TRIQK: variants seen among roughly 807,000 people sequenced by gnomAD.
The protein encoded by TRIQK is triple QxxK/R motif containing, also known as triple QxxK/R motif-containing protein.
A neutral mutation model predicts 10.8 loss-of-function variants in TRIQK; 10 were observed. That is an observed-to-expected ratio of 0.92 (90% CI 0.57 to 1.57). The LOEUF (loss-of-function observed/expected upper bound fraction) is 1.57, where lower values mean the gene tolerates loss of function less well. Among genes scored for constraint, TRIQK ranks in the 40% most tolerant of loss-of-function variants. The pLI is 0.00. For missense variants in TRIQK, 107 were observed against 97.7 expected, an observed-to-expected ratio of 1.09 and a Z score of -0.40; for synonymous variants, 33 against 33.7, an observed-to-expected ratio of 0.98 and a Z score of 0.07.
chr8:92,929,980 TG>T (rs1810628817), intron 2 of TRIQK, among the ~76,000 whole-genome samples: 1 of 152,074 alleles, frequency 6.6e-6, no homozygotes, highest in Non-Finnish European at 1.5e-5. Flanking sequence ...TTATGAAAAC[TG>T]CTCTTTCTAA....
rs886928889 is a variant in TRIQK, at chr8:92,982,599, T to A, written c.-180-28035A>T. On this transcript the variant is annotated intron_variant, in intron 1 of 4. Coordinates refer to the TRIQK transcript ENST00000520686. ...CTTGTCCTGGAACATTGGCCAGATG[T>A]CATGCAAAAATCAGAAAATATTTTG... is the stretch of plus-strand genomic sequence containing the variant. Among the ~76,000 whole-genome samples the A allele has an allele frequency of 2.6e-5, 4 of 151,974 alleles. No homozygotes were observed. The East Asian group carries it at 7.7e-4, about 29-fold the overall frequency.
chr8:92,938,178 C>A (rs931119610), intron 2 of TRIQK, among the ~76,000 whole-genome samples: 1 of 152,070 alleles, frequency 6.6e-6, no homozygotes, highest in East Asian at 1.9e-4. Flanking sequence ...TGAAAGCTAA[C>A]ACTCCTTTGT....
At chr8:92,938,153 TA>T (rs1293470085) in intron 2 of TRIQK, among the ~76,000 whole-genome samples, 1 of 152,064 alleles carries the variant, frequency 6.6e-6, no homozygotes, top group Non-Finnish European at 1.5e-5. Context: ...GGGTCACAAC[TA>T]TTCTTACAGT....
intron 3 of TRIQK, among the ~76,000 whole-genome samples, chr8:92,895,738 A>T (rs1442472385): frequency 6.6e-6 from 1 of 152,202 alleles, no homozygotes; most frequent in Non-Finnish European, 1.5e-5. Flanking sequence ...AGAATGTACA[A>T]GCAATGGACT....
intron 3 of TRIQK, among the ~76,000 whole-genome samples, chr8:92,909,205 A>G (rs1357688009): frequency 6.6e-6 from 1 of 151,984 alleles, no homozygotes; most frequent in Admixed American, 6.6e-5. Context: ...CAAGATGAAT[A>G]AAATTACAAA....
intron 2 of TRIQK, among the ~76,000 whole-genome samples, chr8:92,932,817 T>C (rs1386135599): frequency 6.6e-6 from 1 of 152,210 alleles, no homozygotes; most frequent in Admixed American, 6.5e-5. Flanking sequence ...ATGTATATCA[T>C]TTTTAAAATT....
upstream of TRIQK, among the ~76,000 whole-genome samples, chr8:92,969,775 T>A (rs551877200): frequency 1.8e-4 from 25 of 139,988 alleles, no homozygotes; most frequent in Non-Finnish European, 2.1e-4. Context: ...TTTCTTTTTT[T>A]AAAAAAAATT....
chr8:92,932,770 G>A (rs1000312987), intron 2 of TRIQK, among the ~76,000 whole-genome samples: 1 of 151,920 alleles, frequency 6.6e-6, no homozygotes, highest in Non-Finnish European at 1.5e-5. Context: ...ATAGCAGTAT[G>A]TACTCATAGA....
intron 1 of TRIQK, among the ~76,000 whole-genome samples, chr8:92,983,469 A>G (rs1813005000): frequency 6.6e-6 from 1 of 152,070 alleles, no homozygotes; most frequent in Non-Finnish European, 1.5e-5. Context: ...AGTCTTCCTT[A>G]ACCTAGAGGT....
At chr8:92,960,106 G>T (rs948154893) in intron 1 of TRIQK, among the ~76,000 whole-genome samples, 1 of 151,644 alleles carries the variant, frequency 6.6e-6, no homozygotes. Flanking sequence ...TCCTTCATAG[G>T]TCTTTTTCAG....
At chr8:92,888,436 A>G (rs1330295814) in intron 4 of TRIQK, among the ~76,000 whole-genome samples, 1 of 151,668 alleles carries the variant, frequency 6.6e-6, no homozygotes, top group African/African-American at 2.4e-5. Flanking sequence ...CCATTAATTC[A>G]TTACATCTGT....
chr8:92,933,552 T>C (rs113134716), intron 2 of TRIQK, among the ~76,000 whole-genome samples: 3 of 152,096 alleles, frequency 2.0e-5, no homozygotes, highest in Non-Finnish European at 2.9e-5. Context: ...AAGCTGGCCA[T>C]GGGGTCTGTT....
At chr8:92,976,062 A>G (rs1013479387) in intron 1 of TRIQK, among the ~76,000 whole-genome samples, 2 of 151,928 alleles carry the variant, frequency 1.3e-5, no homozygotes, top group African/African-American at 4.8e-5. Flanking sequence ...GATGTATAGA[A>G]ACTTATTTTA....
chr8:92,972,503 T>C (rs1401303248), intron 1 of TRIQK: 1 of 152,214 alleles, frequency 6.6e-6, no homozygotes, highest in African/African-American at 2.4e-5. Context: ...ATTCATTTAA[T>C]ATTATGTTCT....
At chr8:92,900,295 G>A (rs1808857473) in intron 3 of TRIQK, among the ~76,000 whole-genome samples, 1 of 152,070 alleles carries the variant, frequency 6.6e-6, no homozygotes, top group African/African-American at 2.4e-5. Context: ...GTCTGAGCTT[G>A]TGAACTATGA....
intron 1 of TRIQK, among the ~76,000 whole-genome samples, chr8:92,991,376 A>G (rs1366428684): frequency 1.3e-5 from 2 of 152,194 alleles, no homozygotes; most frequent in Non-Finnish European, 2.9e-5. Flanking sequence ...AGAGCAGTGG[A>G]TCTCCCAGTA....
chr8:92,987,100 C>T (rs1178082792), intron 1 of TRIQK, among the ~76,000 whole-genome samples: 1 of 152,118 alleles, frequency 6.6e-6, no homozygotes, highest in African/African-American at 2.4e-5. Context: ...TATAATTTAA[C>T]ATACTATGGT....
intron 1 of TRIQK, among the ~76,000 whole-genome samples, chr8:92,994,919 C>A (rs1200490331): frequency 7.3e-6 from 1 of 137,698 alleles, no homozygotes; most frequent in South Asian, 2.2e-4. Flanking sequence ...ACAATATGTT[C>A]CTTCTCTTAA....
At chr8:92,908,513 C>G (rs541216159) in intron 3 of TRIQK, among the ~76,000 whole-genome samples, 1 of 152,144 alleles carries the variant, frequency 6.6e-6, no homozygotes, top group Non-Finnish European at 1.5e-5. Flanking sequence ...TGCTCCTGCA[C>G]TTATTCCTCA....
Sources: gnomAD v4.1 joint callset for allele counts (sites outside exome capture counted in the v4.1 genomes callset) on GRCh38, gnomAD v4.1.1 for gene constraint, MANE v1.5 for transcripts, NCBI Gene and HGNC (gene_info 2026-07-23, HGNC 2026-07-21) for gene names.